PCDHGB2: variants seen among roughly 807,000 people sequenced by gnomAD.
The protein encoded by PCDHGB2 is protocadherin gamma subfamily B, 2.
PCDHGB2 carries 55 observed loss-of-function variants against 59.3 expected under a neutral mutation model. That is an observed-to-expected ratio of 0.93 (90% CI 0.75 to 1.16). PCDHGB2 has a LOEUF of 1.16. Among genes scored for constraint, PCDHGB2 ranks in the 50% most tolerant of loss-of-function variants. The probability of loss-of-function intolerance (pLI) is 0.00; values close to 1 mark genes in which losing one functional copy is unlikely to be tolerated. For synonymous variants in PCDHGB2, 516 were observed against 512.0 expected (o/e 1.01, Z -0.11); for missense variants, 1,228 against 1,198.5 (o/e 1.02, Z -0.36).
At chr5:141,370,668 C>A in intron 1 of PCDHGB2, 5 of 1,613,762 alleles carry the variant, frequency 3.1e-6, no homozygotes, top group Middle Eastern at 3.3e-4. Flanking sequence ...CCGTATAGAC[C>A]GAGAGGAGAT....
At chr5:141,461,893 G>A (rs2099025951) in intron 1 of PCDHGB2, among the ~76,000 whole-genome samples, 1 of 151,772 alleles carries the variant, frequency 6.6e-6, no homozygotes, top group African/African-American at 2.4e-5. Context: ...GCACGATCTC[G>A]GCTCACTGCA....
chr5:141,364,961 C>T, intron 1 of PCDHGB2: 1 of 1,613,964 alleles, frequency 6.2e-7, no homozygotes, highest in Non-Finnish European at 8.5e-7. Flanking sequence ...TCACGACCTC[C>T]TCCTCACAGC....
At chr5:141,366,185 G>A in intron 1 of PCDHGB2, 1 of 1,614,010 alleles carries the variant, frequency 6.2e-7, no homozygotes, top group Admixed American at 1.7e-5. Flanking sequence ...ACTCTTTGCG[G>A]TTGGGCTGCA....
chr5:141,474,153 A>G (rs1424442765), intron 1 of PCDHGB2, among the ~76,000 whole-genome samples: 3 of 152,254 alleles, frequency 2.0e-5, no homozygotes, highest in Non-Finnish European at 4.4e-5. Flanking sequence ...TATCAAGAAA[A>G]TGACAGGCCT....
At chr5:141,482,530 CAAAAAAA>C (rs3074545) in intron 1 of PCDHGB2, among the ~76,000 whole-genome samples, 2 of 76,560 alleles carry the variant, frequency 2.6e-5, no homozygotes, top group South Asian at 4.6e-4. Flanking sequence ...GACAGACATG[CAAAAAAA>C]AAAAAAAAAA....
chr5:141,412,170 A>G (rs1015665615), intron 1 of PCDHGB2: 2 of 152,230 alleles, frequency 1.3e-5, no homozygotes, highest in Non-Finnish European at 1.5e-5. Context: ...GATTATTTAT[A>G]CTGGTATTAA....
At chr5:141,473,738 C>T (rs755682627) in intron 1 of PCDHGB2, among the ~76,000 whole-genome samples, 2 of 152,310 alleles carry the variant, frequency 1.3e-5, no homozygotes, top group Non-Finnish European at 2.9e-5. Flanking sequence ...AGGGAGAAGA[C>T]ATGAGAACTT....
At chr5:141,373,821 G>C (rs1268202879) in intron 1 of PCDHGB2, 1 of 364,140 alleles carries the variant, frequency 2.7e-6, no homozygotes, top group African/African-American at 2.1e-5. Flanking sequence ...TTCACAAAAC[G>C]ATGCAGTATT....
intron 1 of PCDHGB2, among the ~76,000 whole-genome samples, chr5:141,473,195 C>T (rs1053769499): frequency 6.6e-6 from 1 of 152,104 alleles, no homozygotes; most frequent in African/African-American, 2.4e-5. Flanking sequence ...GTAAATGTAT[C>T]TTCTAAAAAA....
chr5:141,400,445 A>G (rs779145110), intron 1 of PCDHGB2: 1 of 1,614,084 alleles, frequency 6.2e-7, no homozygotes, highest in Non-Finnish European at 8.5e-7. Flanking sequence ...AGTTCAGGAC[A>G]AGACATACTT....
At chr5:141,496,844 T>G (rs1275272674) in intron 2 of PCDHGB2, among the ~76,000 whole-genome samples, 2 of 150,852 alleles carry the variant, frequency 1.3e-5, no homozygotes, top group Non-Finnish European at 2.9e-5. Context: ...CTCATAGGCT[T>G]CCAGACCAGC....
chr5:141,495,323 G>C (rs1029646773), intron 2 of PCDHGB2, among the ~76,000 whole-genome samples: 2 of 152,214 alleles, frequency 1.3e-5, no homozygotes, highest in African/African-American at 4.8e-5. Context: ...AGCCGAGGCT[G>C]ACTGCAGCCT....
At chr5:141,423,066 C>T (rs1375575018) in intron 1 of PCDHGB2, 2 of 1,614,002 alleles carry the variant, frequency 1.2e-6, no homozygotes, top group South Asian at 1.1e-5. Context: ...TTAAGGCCAG[C>T]GAGCCGGGAC....
chr5:141,439,131 T>A (rs2098090046), intron 1 of PCDHGB2, among the ~76,000 whole-genome samples: 1 of 150,502 alleles, frequency 6.6e-6, no homozygotes, highest in Non-Finnish European at 1.5e-5. Flanking sequence ...AGACAGAGGT[T>A]GCAGTGAGCT....
chr5:141,384,702 C>T lies in PCDHGB2; in HGVS notation c.2421+22146C>T, dbSNP rs115492697. ...CGGTGGACAAAGATTCAGGCCAGAACGCCTGGCTGTCATACCTCCTGCTTA... is the reference window on the plus strand; with the variant it reads ...CGGTGGACAAAGATTCAGGCCAGAATGCCTGGCTGTCATACCTCCTGCTTA... On this transcript the variant is annotated intron_variant, in intron 1 of 3. Coordinates refer to ENST00000522605, the MANE Select transcript of PCDHGB2 (RefSeq NM_018923.3). The T allele has an allele frequency of 1.9e-3, 3,011 of 1,614,186 alleles. 49 individuals carry two copies. The African/African-American group carries it at 0.033, about 18-fold the overall frequency.
At chr5:141,409,185 C>A in intron 1 of PCDHGB2, 1 of 1,614,024 alleles carries the variant, frequency 6.2e-7, no homozygotes, top group Non-Finnish European at 8.5e-7. Flanking sequence ...GGTGGTCTCT[C>A]TACCCAGTGT....
At chr5:141,458,413 G>A (rs138479316) in intron 1 of PCDHGB2, among the ~76,000 whole-genome samples, 1 of 152,196 alleles carries the variant, frequency 6.6e-6, no homozygotes, top group East Asian at 1.9e-4. Context: ...CGGAGCGGGG[G>A]TTCCAAAGCT....
At chr5:141,441,744 G>A (rs913393900) in intron 1 of PCDHGB2, 7 of 366,408 alleles carry the variant, frequency 1.9e-5, no homozygotes, top group African/African-American at 1.1e-4. Context: ...GCTCGCGCTC[G>A]GCGTCAACGT....
rs780541121 is a variant in PCDHGB2 at position 141,477,533 on chromosome 5, G to A, written c.2422-17274G>A. ...TTACATTGAAGAAAACAACCTCCCCGGGGCTCCAATACTAAACCTAAGTGT... is the reference window on the plus strand; with the variant it reads ...TTACATTGAAGAAAACAACCTCCCCAGGGCTCCAATACTAAACCTAAGTGT... On this transcript the variant is annotated intron_variant, in intron 1 of 3. Coordinates refer to ENST00000522605, the MANE Select transcript of PCDHGB2 (RefSeq NM_018923.3). This position sits in a 1 kb window ranked among gnomAD's most constrained non-coding sequence, Gnocchi z 4.9. The A allele has an allele frequency of 6.2e-7, 1 of 1,614,010 alleles. No individual in the cohort carries two copies. The highest frequency in any genetic ancestry group is 1.1e-5 in the South Asian group (1 of 91,066).
Sources: allele counts gnomAD v4.1 joint callset (sites outside exome capture counted in the v4.1 genomes callset), GRCh38; gene constraint gnomAD v4.1.1; non-coding constraint Gnocchi (gnomAD v3.1); transcripts MANE v1.5; gene names NCBI Gene and HGNC (gene_info 2026-07-23, HGNC 2026-07-21).